Variants in HTR4 observed in about 807,000 individuals in gnomAD.
The protein encoded by HTR4 is 5-hydroxytryptamine receptor 4.
Under a neutral mutation model 36.8 loss-of-function variants are expected in HTR4, and 16 were observed. The ratio of observed to expected loss-of-function variants is 0.43; its 90% CI spans 0.29 to 0.66. The LOEUF is 0.66. HTR4 is among the 30% of genes least tolerant of loss of function. The pLI is 0.13. For missense variants in HTR4, 438 were observed against 490.9 expected (o/e 0.89, Z 1.02); for synonymous variants, 189 against 185.1 (o/e 1.02, Z -0.17).
chr5:148,491,425 G>A (rs932503136), intron 6 of HTR4, among the ~76,000 whole-genome samples: 1 of 152,024 alleles, frequency 6.6e-6, no homozygotes, highest in Non-Finnish European at 1.5e-5. Flanking sequence ...CTCTCCTGCT[G>A]TCCTTGGCAG....
chr5:148,535,954 A>G (rs1758799600), intron 4 of HTR4, among the ~76,000 whole-genome samples: 1 of 152,200 alleles, frequency 6.6e-6, no homozygotes, highest in Admixed American at 6.5e-5. Flanking sequence ...TAAGATAAAA[A>G]TGAAAGAAAG....
intron 5 of HTR4, among the ~76,000 whole-genome samples, chr5:148,452,991 G>A (rs1172925112): frequency 6.6e-6 from 1 of 152,208 alleles, no homozygotes; most frequent in Non-Finnish European, 1.5e-5. Flanking sequence ...TGTCTGCTTT[G>A]TTGGCTGGCT....
chr5:148,589,824 C>G (rs1222925927), intron 2 of HTR4, among the ~76,000 whole-genome samples: 5 of 152,012 alleles, frequency 3.3e-5, no homozygotes, highest in African/African-American at 1.2e-4. Flanking sequence ...TAATATGCCA[C>G]CTCACAAACA....
intron 2 of HTR4, among the ~76,000 whole-genome samples, chr5:148,554,087 G>GTTT (rs756942734): frequency 2.6e-5 from 4 of 152,114 alleles, no homozygotes; most frequent in African/African-American, 9.7e-5. Flanking sequence ...TGTTGTTGTT[G>GTTT]TTTTTGAGAT....
chr5:148,526,829 C>T (rs1188133009), intron 4 of HTR4, among the ~76,000 whole-genome samples: 1 of 151,964 alleles, frequency 6.6e-6, no homozygotes, highest in Admixed American at 6.6e-5. Context: ...GAAAATTGAT[C>T]TCATGGAGGT....
chr5:148,625,914 C>A (rs1198527522), intron 2 of HTR4, among the ~76,000 whole-genome samples: 1 of 151,834 alleles, frequency 6.6e-6, no homozygotes, highest in Non-Finnish European at 1.5e-5. Flanking sequence ...TGGATCGAAC[C>A]CTTTTGTTTT....
At chr5:148,630,952 T>C (rs1753300604) in intron 2 of HTR4, among the ~76,000 whole-genome samples, 1 of 152,270 alleles carries the variant, frequency 6.6e-6, no homozygotes, top group Non-Finnish European at 1.5e-5. Context: ...CAGCATCCCA[T>C]GGTGTTGGTA....
intron 5 of HTR4, among the ~76,000 whole-genome samples, chr5:148,471,130 C>T (rs1363380093): frequency 4.6e-5 from 7 of 152,214 alleles, no homozygotes; most frequent in Non-Finnish European, 8.8e-5. Context: ...TCAACCCACA[C>T]TACACTGTCT....
chr5:148,608,536 G>A (rs1160991063), intron 2 of HTR4, among the ~76,000 whole-genome samples: 3 of 152,164 alleles, frequency 2.0e-5, no homozygotes, highest in African/African-American at 7.2e-5. Flanking sequence ...AAAGTGGTAT[G>A]ATACAATATA....
At chr5:148,465,784 A>T in intron 5 of HTR4, 1 of 1,565,876 alleles carries the variant, frequency 6.4e-7, no homozygotes. Flanking sequence ...ACACTTAAGG[A>T]TATTTTGTAT....
At chr5:148,497,325 G>C (rs1356177165) in intron 6 of HTR4, among the ~76,000 whole-genome samples, 1 of 152,168 alleles carries the variant, frequency 6.6e-6, no homozygotes, top group South Asian at 2.1e-4. Context: ...TGAGGATTGA[G>C]TGTTATCTCA....
In HTR4 at chr5:148,482,207, G is replaced by A. The variant is rs1434139952; in HGVS notation, c.*996C>T. On this transcript the variant is annotated 3_prime_UTR_variant, in exon 7 of 7. Transcript: ENST00000377888. ...CCTGCACCTTGGGGGAGCTGCAGGGGAAAATGAGTTTCCCCAGTGTGAACT... is the reference window on the plus strand; with the variant it reads ...CCTGCACCTTGGGGGAGCTGCAGGGAAAAATGAGTTTCCCCAGTGTGAACT... 2 of 985,412 alleles carry A rather than the reference G, an allele frequency of 2.0e-6. No individual in the cohort carries two copies. Among genetic ancestry groups the A allele is most frequent in the Non-Finnish European group, 2.4e-6 (2 of 830,030 alleles). The allele number at this position is 985,412 out of a possible 1,614,324, so 61.0% of individuals were successfully genotyped here.
At chr5:148,451,337 A>G (rs1191443085) in intron 5 of HTR4, 3 of 1,609,682 alleles carry the variant, frequency 1.9e-6, no homozygotes, top group Admixed American at 1.7e-5. Flanking sequence ...CGAAGTCAAG[A>G]GCACTCCTTC....
intron 2 of HTR4, among the ~76,000 whole-genome samples, chr5:148,605,327 C>T (rs1003667420): frequency 1.4e-5 from 2 of 141,088 alleles, no homozygotes; most frequent in Non-Finnish European, 3.0e-5. Flanking sequence ...GGCGTGATCT[C>T]GGCTCACTGC....
intron 2 of HTR4, among the ~76,000 whole-genome samples, chr5:148,559,378 C>T (rs947632034): frequency 2.4e-4 from 36 of 151,962 alleles, no homozygotes; most frequent in African/African-American, 3.1e-4. Flanking sequence ...CATATAGGAG[C>T]GATAAACTCA....
At chr5:148,484,310 G>C in intron 6 of HTR4, 1 of 1,613,620 alleles carries the variant, frequency 6.2e-7, no homozygotes, top group South Asian at 1.1e-5. Context: ...ATGTGCCTGA[G>C]AATGGACCCG....
At chr5:148,618,580 C>T (rs1362376984) in intron 2 of HTR4, among the ~76,000 whole-genome samples, 4 of 152,208 alleles carry the variant, frequency 2.6e-5, no homozygotes, top group East Asian at 3.8e-4. Flanking sequence ...TCTCTCCCCT[C>T]GGCCCTTCAG....
At chr5:148,468,339 A>G (rs1471790863) in intron 5 of HTR4, among the ~76,000 whole-genome samples, 1 of 152,212 alleles carries the variant, frequency 6.6e-6, no homozygotes, top group Non-Finnish European at 1.5e-5. Context: ...TGAGTTTCTA[A>G]GAACCCCAGC....
At chr5:148,453,405 G>A (rs952704391) in intron 5 of HTR4, among the ~76,000 whole-genome samples, 1 of 152,140 alleles carries the variant, frequency 6.6e-6, no homozygotes, top group Non-Finnish European at 1.5e-5. Flanking sequence ...CAGTGTTAAC[G>A]ACTATATGCC....
Sources: gnomAD v4.1 joint callset for allele counts (sites outside exome capture counted in the v4.1 genomes callset) on GRCh38, gnomAD v4.1.1 for gene constraint, MANE v1.5 for transcripts, NCBI Gene and HGNC (gene_info 2026-07-23, HGNC 2026-07-21) for gene names.